The following TEX11 variants were observed in gnomAD, a reference collection of about 807,000 sequenced individuals.
TEX11 encodes the protein testis expressed 11.
Under a neutral mutation model 84.4 loss-of-function variants are expected in TEX11, and 7 were observed. The observed-to-expected ratio is 0.08, with a 90% CI of 0.05 to 0.16. The LOEUF (loss-of-function observed/expected upper bound fraction) is 0.16, where lower values mean the gene tolerates loss of function less well. TEX11 is among the 10% of genes least tolerant of loss of function. The pLI is 1.00. For synonymous variants in TEX11, 264 were observed against 222.8 expected, an observed-to-expected ratio of 1.18 and a Z score of -1.64; for missense variants, 551 against 660.5, an observed-to-expected ratio of 0.83 and a Z score of 1.82.
intron 20 of TEX11, among the ~76,000 whole-genome samples, chrX:70,613,723 T>G (rs934231353): frequency 2.7e-5 from 3 of 110,802 alleles, no homozygotes; most frequent in African/African-American, 9.9e-5. Context: ...GCTAAGGGGG[T>G]GCTTGTTCCA....
intron 2 of TEX11, among the ~76,000 whole-genome samples, chrX:70,894,858 A>C (rs2147883963): frequency 9.0e-6 from 1 of 111,669 alleles, no homozygotes; most frequent in African/African-American, 3.2e-5. Flanking sequence ...AACTCTCAAT[A>C]AACTAGGTAT....
intron 28 of TEX11, among the ~76,000 whole-genome samples, chrX:70,548,998 G>A (rs2088176855): frequency 9.0e-6 from 1 of 111,247 alleles, no homozygotes; most frequent in Admixed American, 9.5e-5. Context: ...CTCCAAAACA[G>A]ACCCCTTCCT....
chrX:70,570,759 G>A (rs1381305443), intron 25 of TEX11, among the ~76,000 whole-genome samples: 1 of 110,842 alleles, frequency 9.0e-6, no homozygotes, highest in Admixed American at 9.6e-5. Flanking sequence ...ATGGGGGGCG[G>A]GAAAGTAATT....
chrX:70,612,114 G>T (rs1460696707), intron 20 of TEX11, among the ~76,000 whole-genome samples: 1 of 109,371 alleles, frequency 9.1e-6, no homozygotes, highest in Non-Finnish European at 1.9e-5. Flanking sequence ...TTCCAGCCTG[G>T]GTGACAGAAC....
intron 25 of TEX11, among the ~76,000 whole-genome samples, chrX:70,589,334 C>CAT (rs1263439760): frequency 3.7e-5 from 4 of 108,817 alleles, no homozygotes; most frequent in East Asian, 2.9e-4. Context: ...TATATAGATA[C>CAT]ATATATATAT....
At chrX:70,706,056 C>T (rs2090371555) in intron 13 of TEX11, among the ~76,000 whole-genome samples, 1 of 111,326 alleles carries the variant, frequency 9.0e-6, no homozygotes, top group Non-Finnish European at 1.9e-5. Context: ...TTGGAACCAA[C>T]CCAAATGTCC....
chrX:70,858,676 T>C (rs1335619140), intron 5 of TEX11, among the ~76,000 whole-genome samples: 1 of 111,660 alleles, frequency 9.0e-6, no homozygotes, highest in Admixed American at 9.5e-5. Flanking sequence ...AAAAATACAT[T>C]GTCTTTTAGA....
intron 9 of TEX11, among the ~76,000 whole-genome samples, chrX:70,797,491 C>T (rs1046915960): frequency 9.0e-6 from 1 of 110,573 alleles, no homozygotes; most frequent in African/African-American, 3.3e-5. Context: ...TTCTCAAACT[C>T]TTCCCTAAAA....
chrX:70,710,067 T>G (rs1016058824), intron 13 of TEX11, among the ~76,000 whole-genome samples: 1 of 111,078 alleles, frequency 9.0e-6, no homozygotes, highest in Non-Finnish European at 1.9e-5. Flanking sequence ...TTTATTTGAT[T>G]TAGTATTCTT....
intron 17 of TEX11, among the ~76,000 whole-genome samples, chrX:70,630,982 G>A (rs1245500843): frequency 8.9e-6 from 1 of 112,038 alleles, no homozygotes; most frequent in African/African-American, 3.2e-5. Context: ...GAATGCTTAT[G>A]CACCCAATAA....
intron 14 of TEX11, among the ~76,000 whole-genome samples, 195 bp from the exon 15 acceptor site, chrX:70,679,084 G>A (rs1355823910): frequency 1.1e-4 from 12 of 112,075 alleles, no homozygotes; most frequent in African/African-American, 3.5e-4. Context: ...GATTGCAGGC[G>A]CGCGCCGCCA....
chrX:70,844,161 C>T (rs1186929187), intron 7 of TEX11, among the ~76,000 whole-genome samples: 3 of 109,937 alleles, frequency 2.7e-5, no homozygotes, highest in Non-Finnish European at 3.8e-5. Flanking sequence ...CACATGCACA[C>T]GTATGTTTAT....
chrX:70,811,796 A>G (rs1338826517), intron 8 of TEX11, among the ~76,000 whole-genome samples: 1 of 110,911 alleles, frequency 9.0e-6, no homozygotes, highest in Non-Finnish European at 1.9e-5. Flanking sequence ...GCATTTTTTC[A>G]TGTGTCTGTT....
chrX:70,530,459 A>G (rs762936416), intron 28 of TEX11, among the ~76,000 whole-genome samples: 1 of 112,307 alleles, frequency 8.9e-6, no homozygotes, highest in Non-Finnish European at 1.9e-5. Flanking sequence ...AGAGTTAACG[A>G]TATCTACCTA....
chrX:70,567,689 T>C (rs1370544148), intron 25 of TEX11, among the ~76,000 whole-genome samples: 2 of 111,786 alleles, frequency 1.8e-5, no homozygotes, highest in African/African-American at 6.5e-5. Flanking sequence ...GAGCAGGTTG[T>C]TCAGTTTCCG....
intron 7 of TEX11, among the ~76,000 whole-genome samples, chrX:70,849,928 G>A (rs759855387): frequency 8.9e-6 from 1 of 112,095 alleles, no homozygotes; most frequent in South Asian, 3.7e-4. Flanking sequence ...AAGGGTCATA[G>A]TAGTCAAATT....
At chrX:70,628,095 T>A (rs1414076133) in intron 18 of TEX11, among the ~76,000 whole-genome samples, 3 of 110,133 alleles carry the variant, frequency 2.7e-5, no homozygotes, top group African/African-American at 9.9e-5. Flanking sequence ...CAGGTGTGGC[T>A]GGCGCACACC....
At chrX:70,749,160 G>A (rs1466494343) in intron 9 of TEX11, among the ~76,000 whole-genome samples, 1 of 107,771 alleles carries the variant, frequency 9.3e-6, no homozygotes, top group African/African-American at 3.4e-5. Flanking sequence ...TGGATTCCTA[G>A]GTATTTTATT....
intron 28 of TEX11, among the ~76,000 whole-genome samples, chrX:70,549,975 C>G (rs2088191800): frequency 8.9e-6 from 1 of 112,635 alleles, no homozygotes; most frequent in African/African-American, 3.2e-5. Context: ...GGCTTCAGGT[C>G]TGACCAGCAC....
Sources: allele counts gnomAD v4.1 joint callset (sites outside exome capture counted in the v4.1 genomes callset), GRCh38; gene constraint gnomAD v4.1.1; transcripts MANE v1.5; gene names NCBI Gene and HGNC (gene_info 2026-07-23, HGNC 2026-07-21).